Variants in KIFAP3 observed in about 807,000 individuals in gnomAD.
KIFAP3 encodes kinesin-associated protein 3.
KIFAP3 carries 68 observed loss-of-function variants against 106.5 expected under a neutral mutation model. The observed-to-expected ratio is 0.64, with a 90% CI of 0.53 to 0.78. The LOEUF is 0.78. Ranked by LOEUF, KIFAP3 falls within the 30% of genes least tolerant of loss-of-function variation. KIFAP3 has a pLI of 0.00. For missense variants in KIFAP3, 780 were observed against 941.8 expected (o/e 0.83, Z 2.25); for synonymous variants, 320 against 311.5 (o/e 1.03, Z -0.29).
intron 2 of KIFAP3, among the ~76,000 whole-genome samples, chr1:170,053,229 G>C (rs780418508): frequency 6.6e-6 from 1 of 152,062 alleles, no homozygotes; most frequent in Non-Finnish European, 1.5e-5. Context: ...AATCATGAGC[G>C]AACTTCCATT....
At chr1:170,016,790 T>A (rs937809729) in intron 9 of KIFAP3, among the ~76,000 whole-genome samples, 166 bp from the exon 10 acceptor site, 1 of 152,212 alleles carries the variant, frequency 6.6e-6, no homozygotes, top group African/African-American at 2.4e-5. Context: ...ATCAAACTTT[T>A]GAGGAGAAAA....
At chr1:170,074,880 AG>A, upstream of KIFAP3, 1 of 437,132 alleles carries the variant, frequency 2.3e-6, no homozygotes, top group Non-Finnish European at 3.3e-6. Context: ...GGGAATAGAA[AG>A]GGCTGTCAGG....
At chr1:169,995,638 A>G (rs1198300818) in intron 10 of KIFAP3, among the ~76,000 whole-genome samples, 1 of 152,118 alleles carries the variant, frequency 6.6e-6, no homozygotes, top group Non-Finnish European at 1.5e-5. Flanking sequence ...TTAAAATTCA[A>G]TGTGAGGCTA....
At chr1:170,019,609 T>TA (rs1161346856) in intron 9 of KIFAP3, among the ~76,000 whole-genome samples, 1 of 152,112 alleles carries the variant, frequency 6.6e-6, no homozygotes, top group Non-Finnish European at 1.5e-5. Context: ...CAGTAATAGA[T>TA]ACAGGAAAGG....
chr1:170,002,458 T>G (rs6673712), intron 10 of KIFAP3, among the ~76,000 whole-genome samples: 39,932 of 152,060 alleles, frequency 0.26, 6,193 homozygotes, highest in East Asian at 0.5. Flanking sequence ...AGGCCTGATG[T>G]GCTATTGAAT....
chr1:169,992,264 A>G lies in KIFAP3; in HGVS notation c.1184-9T>C, dbSNP rs764740955. ...TTTGTAGTTGTCATTGCCTAGGAAT[A>G]AAACATCATGGTGATGATGCTATAA... is the stretch of plus-strand genomic sequence containing the variant. On this transcript the variant is annotated splice_polypyrimidine_tract_variant and intron_variant, in intron 10 of 19. Transcript: ENST00000361580. The G allele has an allele frequency of 2.7e-6, 4 of 1,468,968 alleles. No individual in the cohort carries two copies. Among genetic ancestry groups the G allele is most frequent in the Non-Finnish European group, 3.7e-6 (4 of 1,076,084 alleles). 91.0% of individuals were successfully genotyped at this position (1,468,968 alleles called of 1,614,324 possible).
chr1:170,041,636 G>T (rs1397475794), intron 3 of KIFAP3: 1 of 1,485,392 alleles, frequency 6.7e-7, no homozygotes, highest in African/African-American at 1.4e-5. Context: ...TAAGCCAGGG[G>T]CTGTCTCTGG....
At chr1:169,983,863 A>G (rs1327186337) in intron 12 of KIFAP3, among the ~76,000 whole-genome samples, 2 of 151,930 alleles carry the variant, frequency 1.3e-5, no homozygotes, top group Non-Finnish European at 2.9e-5. Context: ...TTGTAACGGA[A>G]AATAAGTGGC....
chr1:170,032,012 A>G, intron 7 of KIFAP3, 28 bp from the exon 8 acceptor site: 1 of 943,772 alleles, frequency 1.1e-6, no homozygotes, highest in Non-Finnish European at 1.5e-6. Flanking sequence ...GATCATCCAT[A>G]CTCATTGAAG....
At chr1:170,076,923 A>G (rs1450518604), upstream of KIFAP3, among the ~76,000 whole-genome samples, 1 of 152,248 alleles carries the variant, frequency 6.6e-6, no homozygotes, top group Non-Finnish European at 1.5e-5. Context: ...AAACAGCATC[A>G]TTAGTGAGAG....
Position 169,968,190 on chromosome 1 carries a change from G to A in KIFAP3, c.1983+4323C>T, listed in dbSNP as rs902430818. ...GCACTCAGTATCCATAAATTCTAAAGTGTCGTGAAAGACTGATGGTTTGAT... is the reference window on the plus strand; with the variant it reads ...GCACTCAGTATCCATAAATTCTAAAATGTCGTGAAAGACTGATGGTTTGAT... On this transcript the variant is annotated intron_variant, in intron 17 of 19. Coordinates refer to ENST00000361580, the MANE Select transcript of KIFAP3 (RefSeq NM_014970.4). 2.0e-4 allele frequency among the ~76,000 whole-genome samples: 31 copies of A among 151,972 alleles called. 1 individual carries two copies. Among genetic ancestry groups the A allele is most frequent in the African/African-American group, 6.5e-4 (27 of 41,508 alleles).
intron 17 of KIFAP3, among the ~76,000 whole-genome samples, chr1:169,961,544 CAA>C (rs1665333266): frequency 6.6e-6 from 1 of 151,974 alleles, no homozygotes; most frequent in South Asian, 2.1e-4. Context: ...CTTCAGTTTC[CAA>C]AGAGTTCTTG....
At chr1:169,998,397 T>C (rs142281279) in intron 10 of KIFAP3, among the ~76,000 whole-genome samples, 5,532 of 77,694 alleles carry the variant, frequency 0.071, 113 homozygotes, top group African/African-American at 0.13. Context: ...TATATATATA[T>C]ATACACACAC....
chr1:170,017,862 G>A (rs1424590961), intron 9 of KIFAP3, among the ~76,000 whole-genome samples: 1 of 152,076 alleles, frequency 6.6e-6, no homozygotes, highest in Non-Finnish European at 1.5e-5. Flanking sequence ...GGAAAAAGAG[G>A]TTTAGGGCAA....
intron 9 of KIFAP3, among the ~76,000 whole-genome samples, chr1:170,018,788 C>T (rs965005663): frequency 1.3e-5 from 2 of 152,006 alleles, no homozygotes; most frequent in African/African-American, 4.8e-5. Context: ...GGAATAAACA[C>T]AAATTGTTTT....
At chr1:169,949,749 C>T (rs1169245226) in intron 19 of KIFAP3, among the ~76,000 whole-genome samples, 10 of 152,156 alleles carry the variant, frequency 6.6e-5, no homozygotes, top group South Asian at 6.2e-4. Context: ...ACATTTGACG[C>T]TCTGGGATTG....
chr1:169,940,469 A>T (rs1426887946), intron 19 of KIFAP3, among the ~76,000 whole-genome samples: 1 of 152,196 alleles, frequency 6.6e-6, no homozygotes, highest in African/African-American at 2.4e-5. Context: ...GAATTTTTCC[A>T]TACATGGGGG....
At position 170,016,548 on chromosome 1, in the gene KIFAP3, C is replaced by A; in HGVS notation, c.1097G>T (p.Arg366Leu). The change falls in exon 10 of 20, where the codon CGA becomes CTA. Residue 366 changes from arginine (R) to leucine (L), a missense_variant. Transcript: ENST00000361580. ...EHEDLLNITL[R>L]LLLNLSFDTG... ...GTCAAAGGATAGGTTTAGTAAAAGT[C>A]GGAGGGTGATATTCAGCAGGTCTTC... 1.2e-6 allele frequency: 2 copies of A among 1,607,756 alleles called. No homozygotes were observed. The highest frequency in any genetic ancestry group is 1.7e-6 in the Non-Finnish European group (2 of 1,177,448).
intron 19 of KIFAP3, among the ~76,000 whole-genome samples, chr1:169,943,422 T>G (rs1205164613): frequency 1.3e-5 from 2 of 152,120 alleles, no homozygotes; most frequent in Admixed American, 1.3e-4. Flanking sequence ...TACCTTAAAT[T>G]AGAAAATATC....
Sources: allele counts gnomAD v4.1 joint callset (sites outside exome capture counted in the v4.1 genomes callset), GRCh38; gene constraint gnomAD v4.1.1; transcripts MANE v1.5; gene names NCBI Gene and HGNC (gene_info 2026-07-23, HGNC 2026-07-21).